Variants in MAN1C1 observed in about 807,000 individuals in gnomAD.
MAN1C1 encodes the protein mannosidase alpha class 1C member 1.
A neutral mutation model predicts 71.5 loss-of-function variants in MAN1C1; 49 were observed. The observed-to-expected ratio is 0.69, with a 90% CI of 0.54 to 0.87. The LOEUF (loss-of-function observed/expected upper bound fraction) is 0.87. Among genes scored for constraint, MAN1C1 ranks in the 40% least tolerant of loss-of-function variants. MAN1C1 has a pLI of 0.00. For synonymous variants in MAN1C1, 352 were observed against 343.7 expected (o/e 1.02, Z -0.27); for missense variants, 743 against 835.0 (o/e 0.89, Z 1.36).
chr1:25,690,849 G>A (rs1409045349), intron 2 of MAN1C1, among the ~76,000 whole-genome samples: 1 of 152,240 alleles, frequency 6.6e-6, no homozygotes. Context: ...TTGCCATTAT[G>A]TCACAGAGGT....
intron 2 of MAN1C1, among the ~76,000 whole-genome samples, chr1:25,712,701 C>T (rs2046629847): frequency 6.6e-6 from 1 of 152,196 alleles, no homozygotes; most frequent in Admixed American, 6.5e-5. Flanking sequence ...TACTCTCTCC[C>T]TGATGATCTT....
rs2047248327 is a variant in MAN1C1, at chr1:25,753,708, G to T, written c.929+130G>T. On this transcript the variant is annotated intron_variant, in intron 5 of 11. Coordinates refer to ENST00000374332, the MANE Select transcript of MAN1C1 (RefSeq NM_020379.4). The surrounding 1 kb of genome is among the most constrained non-coding windows in gnomAD (Gnocchi z 4.9). ...GGCAAGCAGGAGGGGGGACCCTTGG[G>T]ACCACCTCTGTTGAACCCGTTCTTT... 2 of 697,772 alleles carry T rather than the reference G, an allele frequency of 2.9e-6. No individual in the cohort carries two copies. Among genetic ancestry groups the T allele is most frequent in the Non-Finnish European group, 4.8e-6 (2 of 413,156 alleles). 43.2% of individuals were successfully genotyped at this position (697,772 alleles called of 1,614,324 possible). A position where few individuals can be genotyped will look rare whatever the true frequency, so the allele number is the denominator to read the frequency against.
chr1:25,755,405 G>A (rs1456150720), intron 5 of MAN1C1, among the ~76,000 whole-genome samples: 1 of 152,174 alleles, frequency 6.6e-6, no homozygotes, highest in African/African-American at 2.4e-5. Flanking sequence ...TAAAGGCCTG[G>A]ATACACAAGC....
At chr1:25,729,238 C>G (rs2046875711) in intron 2 of MAN1C1, among the ~76,000 whole-genome samples, 1 of 152,230 alleles carries the variant, frequency 6.6e-6, no homozygotes, top group South Asian at 2.1e-4. Context: ...TACCTCAGGG[C>G]CTTTGCACAT....
At chr1:25,676,619 C>T (rs138438932) in intron 1 of MAN1C1, among the ~76,000 whole-genome samples, 31 of 152,336 alleles carry the variant, frequency 2.0e-4, no homozygotes, top group African/African-American at 6.7e-4. Context: ...TCGTTAGAGA[C>T]CAAATCCCTT....
At chr1:25,766,192 G>A (rs2047423868) in intron 7 of MAN1C1, among the ~76,000 whole-genome samples, 1 of 152,142 alleles carries the variant, frequency 6.6e-6, no homozygotes, top group African/African-American at 2.4e-5. Context: ...AAAGTCAGTC[G>A]CATATGGGAA....
chr1:25,692,520 T>C (rs1018277749), intron 2 of MAN1C1, among the ~76,000 whole-genome samples: 1 of 152,316 alleles, frequency 6.6e-6, no homozygotes, highest in Middle Eastern at 3.4e-3. Flanking sequence ...AGCCCATAGC[T>C]GTATTCCCTT....
intron 1 of MAN1C1, among the ~76,000 whole-genome samples, chr1:25,650,286 C>T (rs888007800): frequency 4.6e-5 from 7 of 152,068 alleles, no homozygotes; most frequent in Admixed American, 6.5e-5. Context: ...AGGGATTAAT[C>T]GAGGCATCTG....
At chr1:25,690,831 T>G (rs2046298544) in intron 2 of MAN1C1, among the ~76,000 whole-genome samples, 1 of 151,974 alleles carries the variant, frequency 6.6e-6, no homozygotes, top group Non-Finnish European at 1.5e-5. Context: ...GATCGGGGGG[T>G]GCTATTATTG....
chr1:25,771,575 G>T, intron 7 of MAN1C1, 82 bp from the exon 8 acceptor site: 1 of 1,037,278 alleles, frequency 9.6e-7, no homozygotes, highest in South Asian at 1.4e-5. Context: ...GGGCCCCTGA[G>T]GTCAGGCGGG....
At chr1:25,665,690 G>A (rs2045912967) in intron 1 of MAN1C1, among the ~76,000 whole-genome samples, 1 of 152,054 alleles carries the variant, frequency 6.6e-6, no homozygotes, top group Non-Finnish European at 1.5e-5. Context: ...TGCAGGTGGA[G>A]TCTGTTTGGC....
At position 25,765,523 on chromosome 1, in the gene MAN1C1, CTG is replaced by C. The variant is rs139643627; in HGVS notation, c.1141+1561_1141+1562del. On this transcript the variant is annotated intron_variant, in intron 7 of 11. Transcript: ENST00000374332. ...GGCAAAGTGGGTATGAGTCTAATGA[CTG>C]TGTGGCTTAGGGGGGAATTCACTGT... Among the ~76,000 whole-genome samples, 1,468 of 152,310 alleles carry C rather than the reference CTG, an allele frequency of 9.6e-3. 11 individuals are homozygous for C. The highest frequency in any genetic ancestry group is 0.017 in the Middle Eastern group (5 of 294).
chr1:25,717,164 G>T (rs998923455), intron 2 of MAN1C1, among the ~76,000 whole-genome samples: 1 of 152,034 alleles, frequency 6.6e-6, no homozygotes, highest in African/African-American at 2.4e-5. Flanking sequence ...TTTTTCTTAG[G>T]TATATACCCA....
intron 5 of MAN1C1, 86 bp from the exon 6 acceptor site, chr1:25,758,506 C>T (rs1169311640): frequency 2.6e-5 from 29 of 1,129,238 alleles, no homozygotes; most frequent in Non-Finnish European, 3.8e-5. Flanking sequence ...ATAGTAGGTG[C>T]CCCCACCGAG....
chr1:25,692,200 G>A (rs2046318207), intron 2 of MAN1C1, among the ~76,000 whole-genome samples: 1 of 152,154 alleles, frequency 6.6e-6, no homozygotes, highest in South Asian at 2.1e-4. Context: ...CAGCTAGATC[G>A]TTCAAGGCCA....
chr1:25,635,702 G>A (rs2045449887), intron 1 of MAN1C1, among the ~76,000 whole-genome samples: 1 of 152,056 alleles, frequency 6.6e-6, no homozygotes. Context: ...ACCCACCTCG[G>A]CCTCCCAAAG....
At chr1:25,657,026 C>T (rs1394407580) in intron 1 of MAN1C1, among the ~76,000 whole-genome samples, 4 of 152,252 alleles carry the variant, frequency 2.6e-5, no homozygotes, top group South Asian at 2.1e-4. Context: ...GGGGTTTCAC[C>T]GTGTTAGCCA....
intron 6 of MAN1C1, 50 bp downstream of exon 6, chr1:25,758,759 C>T (rs779811690): frequency 3.3e-6 from 5 of 1,518,322 alleles, no homozygotes; most frequent in African/African-American, 1.4e-5. Context: ...GATGAGCGTG[C>T]GGCTGCCACA....
At position 25,753,650 on chromosome 1, in the gene MAN1C1, G is replaced by T; in HGVS notation, c.929+72G>T. On this transcript the variant is annotated intron_variant, in intron 5 of 11. Transcript: ENST00000374332. The surrounding 1 kb of genome is among the most constrained non-coding windows in gnomAD (Gnocchi z 4.9). Reference sequence around the variant, plus strand: ...CCACCATTTGTGTTTTGTCTGGGTGGTGCTGGTGAGGAGGCTCCAGGGGCA... The same window carrying T: ...CCACCATTTGTGTTTTGTCTGGGTGTTGCTGGTGAGGAGGCTCCAGGGGCA... 1 of 1,432,566 alleles carries T rather than the reference G, an allele frequency of 7.0e-7. No individual in the cohort carries two copies. Among genetic ancestry groups the T allele is most frequent in the Non-Finnish European group, 9.7e-7 (1 of 1,034,424 alleles). 88.7% of individuals were successfully genotyped at this position (1,432,566 alleles called of 1,614,324 possible). A position where few individuals can be genotyped will look rare whatever the true frequency, so the allele number is the denominator to read the frequency against.
Sources: allele counts gnomAD v4.1 joint callset (sites outside exome capture counted in the v4.1 genomes callset), GRCh38; gene constraint gnomAD v4.1.1; non-coding constraint Gnocchi (gnomAD v3.1); transcripts MANE v1.5; gene names NCBI Gene and HGNC (gene_info 2026-07-23, HGNC 2026-07-21).